Variants in GPR158 observed in about 807,000 individuals in gnomAD.
The protein encoded by GPR158 is G protein-coupled receptor 158, also known as metabotropic glycine receptor.
Under a neutral mutation model 78.2 loss-of-function variants are expected in GPR158, and 30 were observed. The ratio of observed to expected loss-of-function variants is 0.38; its 90% confidence interval spans 0.29 to 0.52. The LOEUF is 0.52. Ranked by LOEUF, GPR158 falls within the 20% of genes least tolerant of loss-of-function variation. The pLI, the probability that GPR158 is intolerant of heterozygous loss-of-function variation, is 0.83. For missense variants in GPR158, 1,463 were observed against 1,523.5 expected (o/e 0.96, Z 0.66); for synonymous variants, 581 against 591.1 (o/e 0.98, Z 0.25).
intron 2 of GPR158, among the ~76,000 whole-genome samples, chr10:25,376,029 T>A (rs1005887805): frequency 4.6e-5 from 7 of 151,642 alleles, no homozygotes; most frequent in Admixed American, 6.6e-5. Context: ...GTATGTCTCC[T>A]CATTTATATA....
intron 3 of GPR158, among the ~76,000 whole-genome samples, chr10:25,411,744 G>T (rs993090384): frequency 3.3e-5 from 5 of 151,704 alleles, no homozygotes; most frequent in African/African-American, 1.2e-4. Context: ...GACCATTCTG[G>T]CTAACACAGT....
chr10:25,539,008 A>G (rs1372591226), intron 5 of GPR158, among the ~76,000 whole-genome samples: 1 of 152,184 alleles, frequency 6.6e-6, no homozygotes, highest in Non-Finnish European at 1.5e-5. Flanking sequence ...AACCGAGACC[A>G]GGGAGGGCAC....
At chr10:25,314,543 TGAG>T (rs1394962406) in intron 2 of GPR158, among the ~76,000 whole-genome samples, 4 of 152,034 alleles carry the variant, frequency 2.6e-5, no homozygotes, top group African/African-American at 4.8e-5. Context: ...TTTCAAGAAA[TGAG>T]GAGTTTGATT....
chr10:25,397,452 G>A (rs1470598008), intron 3 of GPR158, among the ~76,000 whole-genome samples: 1 of 152,114 alleles, frequency 6.6e-6, no homozygotes, highest in Non-Finnish European at 1.5e-5. Flanking sequence ...ATAAATCTTT[G>A]CCAGCCCTAT....
At chr10:25,252,852 C>G (rs1449868590) in intron 2 of GPR158, among the ~76,000 whole-genome samples, 1 of 152,100 alleles carries the variant, frequency 6.6e-6, no homozygotes, top group Non-Finnish European at 1.5e-5. Flanking sequence ...CCAGTTCGAG[C>G]TTCCTGGCTG....
intron 5 of GPR158, among the ~76,000 whole-genome samples, chr10:25,491,034 C>T (rs1323058031): frequency 1.3e-5 from 2 of 152,166 alleles, no homozygotes; most frequent in East Asian, 3.9e-4. Context: ...AAAATAAATA[C>T]ATTCATTTTA....
intron 5 of GPR158, among the ~76,000 whole-genome samples, chr10:25,488,536 T>A (rs1424578838): frequency 1.3e-5 from 2 of 152,200 alleles, no homozygotes; most frequent in African/African-American, 4.8e-5. Context: ...TCTCTGATTC[T>A]TCCTAGCCCT....
At chr10:25,270,461 G>C (rs1366968447) in intron 2 of GPR158, among the ~76,000 whole-genome samples, 1 of 152,104 alleles carries the variant, frequency 6.6e-6, no homozygotes, top group Non-Finnish European at 1.5e-5. Flanking sequence ...AGAAGGAGGA[G>C]ATATAAGAAA....
At chr10:25,594,512 TA>T in intron 9 of GPR158, 115 bp downstream of exon 9, 1 of 501,968 alleles carries the variant, frequency 2.0e-6, no homozygotes, top group South Asian at 3.2e-5. Flanking sequence ...AAAAGAGTTT[TA>T]AAGCTCCCTC....
chr10:25,366,189 C>T (rs1405978825), intron 2 of GPR158, among the ~76,000 whole-genome samples: 1 of 151,278 alleles, frequency 6.6e-6, no homozygotes, highest in Non-Finnish European at 1.5e-5. Flanking sequence ...TACAAATAGT[C>T]CATTTATTTT....
intron 2 of GPR158, among the ~76,000 whole-genome samples, chr10:25,320,404 C>G (rs1395290518): frequency 6.6e-6 from 1 of 152,222 alleles, no homozygotes; most frequent in Non-Finnish European, 1.5e-5. Context: ...GAGAGAGAAG[C>G]TGCCTGGACC....
intron 2 of GPR158, among the ~76,000 whole-genome samples, chr10:25,311,568 G>C (rs146154977): frequency 2.6e-5 from 4 of 151,834 alleles, no homozygotes; most frequent in South Asian, 2.1e-4. Context: ...CATCACAGAC[G>C]TTCTGTGATT....
intron 2 of GPR158, among the ~76,000 whole-genome samples, chr10:25,261,442 A>AT (rs946737239): frequency 7.9e-5 from 12 of 152,010 alleles, no homozygotes; most frequent in Admixed American, 5.3e-4. Context: ...GCTTGTTTTT[A>AT]TTTTTTTTAC....
intron 2 of GPR158, among the ~76,000 whole-genome samples, chr10:25,222,288 A>T (rs1032110904): frequency 1.3e-5 from 2 of 150,564 alleles, no homozygotes; most frequent in African/African-American, 4.9e-5. Flanking sequence ...CCGCCACCAC[A>T]CTCTCCACAG....
intron 2 of GPR158, among the ~76,000 whole-genome samples, chr10:25,258,228 AG>A (rs1441754943): frequency 3.3e-5 from 5 of 152,154 alleles, no homozygotes; most frequent in Admixed American, 6.5e-5. Context: ...CACTACATAA[AG>A]CATGCATGCA....
At chr10:25,562,768 C>T (rs1194899534) in intron 6 of GPR158, among the ~76,000 whole-genome samples, 3 of 152,146 alleles carry the variant, frequency 2.0e-5, no homozygotes, top group East Asian at 1.9e-4. Flanking sequence ...ATGAATACCC[C>T]GTGTTTGTCT....
intron 2 of GPR158, among the ~76,000 whole-genome samples, chr10:25,373,375 C>A (rs1015329715): frequency 2.0e-5 from 3 of 151,830 alleles, no homozygotes; most frequent in African/African-American, 4.8e-5. Context: ...ATAATTTGTA[C>A]AACAAACCCC....
chr10:25,372,563 A>G (rs1009317051), intron 2 of GPR158, among the ~76,000 whole-genome samples: 1 of 147,656 alleles, frequency 6.8e-6, no homozygotes, highest in African/African-American at 2.5e-5. Flanking sequence ...TTGTAGGGAC[A>G]TGGACGAAAT....
chr10:25,353,833 G>T (rs1159148656), intron 2 of GPR158, among the ~76,000 whole-genome samples: 2 of 152,030 alleles, frequency 1.3e-5, no homozygotes, highest in African/African-American at 4.8e-5. Context: ...TGTAATTGGA[G>T]AATTGAGACC....
Sources: allele counts gnomAD v4.1 joint callset (sites outside exome capture counted in the v4.1 genomes callset), GRCh38; gene constraint gnomAD v4.1.1; transcripts MANE v1.5; gene names NCBI Gene and HGNC (gene_info 2026-07-23, HGNC 2026-07-21).